Variants in SLC41A3 observed in about 807,000 individuals in gnomAD.
SLC41A3 encodes SLC41A1-like 2.
Under a neutral mutation model 45.4 loss-of-function variants are expected in SLC41A3, and 44 were observed. The ratio of observed to expected loss-of-function variants is 0.97; its 90% CI spans 0.76 to 1.25. The LOEUF (loss-of-function observed/expected upper bound fraction) is 1.25, where lower values mean the gene tolerates loss of function less well. Ranked by LOEUF, SLC41A3 falls within the 50% of genes most tolerant of loss-of-function variation. The pLI, the probability that SLC41A3 is intolerant of heterozygous loss-of-function variation, is 0.00. For missense variants in SLC41A3, 550 were observed against 600.6 expected, an observed-to-expected ratio of 0.92 and a Z score of 0.88; for synonymous variants, 256 against 252.4, an observed-to-expected ratio of 1.01 and a Z score of -0.13.
Position 126,006,705 on chromosome 3 carries a change from C to G in SLC41A3, c.*311G>C. On this transcript the variant is annotated 3_prime_UTR_variant, in exon 11 of 11. Transcript: ENST00000360370. Reference sequence around the variant, plus strand: ...CACCCTGCAAAGCATACTGGACATGCCTCTTCTTTACCTTCTCAGGCCAGA... The same window carrying G: ...CACCCTGCAAAGCATACTGGACATGGCTCTTCTTTACCTTCTCAGGCCAGA... 2 of 1,457,726 alleles carry G rather than the reference C, an allele frequency of 1.4e-6. No homozygotes were observed. The highest frequency in any genetic ancestry group is 1.4e-5 in the African/African-American group (1 of 70,030). 90.3% of individuals were successfully genotyped at this position (1,457,726 alleles called of 1,614,324 possible). A position where few individuals can be genotyped will look rare whatever the true frequency, so the allele number is the denominator to read the frequency against.
chr3:126,100,644 A>G (rs1206328721), intron 1 of SLC41A3, among the ~76,000 whole-genome samples: 1 of 152,234 alleles, frequency 6.6e-6, no homozygotes, highest in Non-Finnish European at 1.5e-5. Flanking sequence ...GATTCATGAG[A>G]TGGATTACTA....
intron 2 of SLC41A3, chr3:126,056,938 T>G (rs1576325288): frequency 9.2e-7 from 1 of 1,086,606 alleles, no homozygotes; most frequent in South Asian, 3.0e-5. Context: ...AGCAGGCTGG[T>G]CCATACTGGC....
At chr3:126,040,348 A>T (rs1942505669) in intron 3 of SLC41A3, among the ~76,000 whole-genome samples, 1 of 152,184 alleles carries the variant, frequency 6.6e-6, no homozygotes, top group Non-Finnish European at 1.5e-5. Context: ...AAACAAGAAG[A>T]GGTATCTATG....
Position 126,026,224 on chromosome 3 carries a change from C to T in SLC41A3, c.598+111G>A. 6.9e-7 allele frequency: 1 copy of T among 1,450,510 alleles called. No homozygotes were observed. Among genetic ancestry groups the T allele is most frequent in the Non-Finnish European group, 9.2e-7 (1 of 1,082,376 alleles). 89.9% of individuals were successfully genotyped at this position (1,450,510 alleles called of 1,614,324 possible). A position where few individuals can be genotyped will look rare whatever the true frequency, so the allele number is the denominator to read the frequency against. ...GAGAACCCTGAGCCCACCATCAGTC[C>T]CATTAGCAGTGGGACTCACACCCCC... On this transcript the variant is annotated intron_variant, in intron 5 of 10. Coordinates refer to ENST00000360370, the MANE Select transcript of SLC41A3 (RefSeq NM_017836.4). The surrounding 1 kb of genome is among the most constrained non-coding windows in gnomAD (Gnocchi z 4.2).
intron 1 of SLC41A3, among the ~76,000 whole-genome samples, chr3:126,093,249 A>T (rs989801882): frequency 6.6e-6 from 1 of 152,244 alleles, no homozygotes; most frequent in African/African-American, 2.4e-5. Flanking sequence ...GCTGCCAGAT[A>T]GGGGAAAAAA....
chr3:126,059,293 A>AGG, intron 2 of SLC41A3, among the ~76,000 whole-genome samples: 1 of 138,688 alleles, frequency 7.2e-6, no homozygotes, highest in Non-Finnish European at 1.6e-5. Context: ...AAAGAAAGAA[A>AGG]GAAAGAAAGA....
chr3:126,065,001 G>T (rs11710518), intron 2 of SLC41A3, among the ~76,000 whole-genome samples: 47,093 of 152,218 alleles, frequency 0.31, 7,543 homozygotes, highest in Middle Eastern at 0.43. Flanking sequence ...CTTTGAAGAT[G>T]GAAGGGCCAC....
intron 9 of SLC41A3, 24 bp from the exon 10 acceptor site, chr3:126,008,904 G>C (rs372866048): frequency 1.4e-5 from 22 of 1,612,288 alleles, no homozygotes; most frequent in Non-Finnish European, 1.8e-5. Context: ...AACCAAGAAG[G>C]TCATGTGACC....
At chr3:126,087,226 G>A (rs983095789), upstream of SLC41A3, among the ~76,000 whole-genome samples, 3 of 151,890 alleles carry the variant, frequency 2.0e-5, no homozygotes, top group Non-Finnish European at 4.4e-5. Flanking sequence ...ATGAGTTACT[G>A]GAAAAAATAC....
chr3:126,055,723 A>G (rs1213940472), intron 2 of SLC41A3, among the ~76,000 whole-genome samples: 1 of 152,152 alleles, frequency 6.6e-6, no homozygotes, highest in Non-Finnish European at 1.5e-5. Flanking sequence ...AATGATTCCA[A>G]TACGCTGCCC....
chr3:126,091,704 G>A (rs1289633908), intron 1 of SLC41A3, among the ~76,000 whole-genome samples: 1 of 152,188 alleles, frequency 6.6e-6, no homozygotes, highest in Non-Finnish European at 1.5e-5. Flanking sequence ...GACATGGAAA[G>A]GGAAGGGGAT....
intron 1 of SLC41A3, among the ~76,000 whole-genome samples, chr3:126,098,942 T>G (rs1478596154): frequency 6.8e-6 from 1 of 146,148 alleles, no homozygotes; most frequent in African/African-American, 2.5e-5. Flanking sequence ...TTTTTTTTTT[T>G]TTTTTGTATT....
At chr3:126,031,715 A>G (rs187968679) in intron 4 of SLC41A3, among the ~76,000 whole-genome samples, 36 of 152,364 alleles carry the variant, frequency 2.4e-4, no homozygotes, top group Admixed American at 1.0e-3. Context: ...ACATATGTTG[A>G]GAATCAATTA....
At chr3:126,019,743 G>C (rs1330650573) in intron 6 of SLC41A3, among the ~76,000 whole-genome samples, 1 of 152,102 alleles carries the variant, frequency 6.6e-6, no homozygotes, top group East Asian at 1.9e-4. Context: ...GCTGGTGTGG[G>C]GGTTGAGGTT....
intron 4 of SLC41A3, among the ~76,000 whole-genome samples, chr3:126,027,031 G>A (rs7649483): frequency 0.34 from 51,946 of 152,004 alleles, 9,830 homozygotes; most frequent in African/African-American, 0.51. Flanking sequence ...TCTGGACATC[G>A]ACACTGGCAC....
At chr3:126,096,463 G>C (rs1945605037) in intron 1 of SLC41A3, among the ~76,000 whole-genome samples, 1 of 152,166 alleles carries the variant, frequency 6.6e-6, no homozygotes, top group African/African-American at 2.4e-5. Context: ...ACTGTGATGT[G>C]TTCATGATGG....
chr3:126,073,409 T>G (rs1031870861), intron 1 of SLC41A3: 1 of 152,312 alleles, frequency 6.6e-6, no homozygotes, highest in Middle Eastern at 3.4e-3. Flanking sequence ...CACTCCAGCC[T>G]GGGTGGCAGA....
Position 126,069,509 on chromosome 3 carries a change from C to T in SLC41A3, c.-27-1263G>A, listed in dbSNP as rs1944515906. ...CAACAACAAGCAGCAACAGTAAATC[C>T]TGGGAAGGGGGGAATCTCATTTCCA... On this transcript the variant is annotated intron_variant, in intron 1 of 10. Transcript: ENST00000360370. Among the ~76,000 whole-genome samples, 3 of 152,150 alleles carry T rather than the reference C, an allele frequency of 2.0e-5. No homozygotes were observed. The South Asian group carries it at 6.2e-4, about 32-fold the overall frequency.
intron 4 of SLC41A3, among the ~76,000 whole-genome samples, chr3:126,032,939 G>T (rs192789327): frequency 1.3e-5 from 2 of 152,258 alleles, no homozygotes; most frequent in South Asian, 2.1e-4. Context: ...TCTATGTCCA[G>T]GCCCAGCCTC....
Sources: gnomAD v4.1 joint callset for allele counts (sites outside exome capture counted in the v4.1 genomes callset) on GRCh38, gnomAD v4.1.1 for gene constraint, Gnocchi (gnomAD v3.1) non-coding constraint, MANE v1.5 for transcripts, NCBI Gene and HGNC (gene_info 2026-07-23, HGNC 2026-07-21) for gene names.